PODN: variants seen among roughly 807,000 people sequenced by gnomAD.
PODN encodes podocan.
Under a neutral mutation model 52.7 loss-of-function variants are expected in PODN, and 40 were observed. That is an observed-to-expected ratio of 0.76 (90% CI 0.59 to 0.99). The LOEUF (loss-of-function observed/expected upper bound fraction) is 0.99. Among genes scored for constraint, PODN ranks in the 50% least tolerant of loss-of-function variants. PODN has a pLI of 0.00. For missense variants in PODN, 720 were observed against 815.1 expected (o/e 0.88, Z 1.42); for synonymous variants, 396 against 377.9 (o/e 1.05, Z -0.56).
intron 7 of PODN, 44 bp downstream of exon 7, chr1:53,077,844 C>CGGG (rs1557655346): frequency 6.5e-7 from 1 of 1,547,848 alleles, no homozygotes; most frequent in African/African-American, 1.4e-5. Context: ...CCACGGGGCC[C>CGGG]GGGAAGCTCC....
At chr1:53,065,169 A>G (rs769429908) in intron 1 of PODN, among the ~76,000 whole-genome samples, 20 of 152,354 alleles carry the variant, frequency 1.3e-4, no homozygotes, top group Non-Finnish European at 2.1e-4. Flanking sequence ...CCTGGGCAAC[A>G]TAGTGAGACC....
chr1:53,069,132 C>T (rs1363894560), intron 1 of PODN, among the ~76,000 whole-genome samples: 1 of 152,230 alleles, frequency 6.6e-6, no homozygotes, highest in East Asian at 1.9e-4. Context: ...TAATGCTAAG[C>T]TCTGGGTGAA....
chr1:53,081,290 G>T (rs1185408872), intron 9 of PODN, among the ~76,000 whole-genome samples: 2 of 152,184 alleles, frequency 1.3e-5, no homozygotes, highest in Non-Finnish European at 2.9e-5. Context: ...TGATTCGGGG[G>T]ATGCAGCTCC....
intron 5 of PODN, 39 bp from the exon 6 acceptor site, chr1:53,077,151 G>A (rs374967436): frequency 4.4e-6 from 7 of 1,605,178 alleles, no homozygotes; most frequent in Non-Finnish European, 6.0e-6. Flanking sequence ...CAGGGCCTGG[G>A]GAGCCCAGGT....
At chr1:53,062,395 G>A (rs935802652) in intron 1 of PODN, 87 bp downstream of exon 1, 30 of 1,003,050 alleles carry the variant, frequency 3.0e-5, no homozygotes, top group Non-Finnish European at 3.9e-5. Context: ...TCTCCGGATG[G>A]CTCCAGCAGC....
chr1:53,083,389 G>A (rs1214985855), intron 10 of PODN, among the ~76,000 whole-genome samples: 1 of 152,182 alleles, frequency 6.6e-6, no homozygotes, highest in Admixed American at 6.5e-5. Flanking sequence ...GTGCTGGTGG[G>A]AAGAGGCTGG....
intron 10 of PODN, among the ~76,000 whole-genome samples, chr1:53,082,968 C>T (rs534483375): frequency 2.0e-5 from 3 of 152,320 alleles, no homozygotes; most frequent in East Asian, 3.9e-4. Context: ...ACACATGATG[C>T]GTGCATGCAC....
rs75640761 is a variant in PODN, at chr1:53,073,560, C to A, written c.407-1046C>A. The A allele has an allele frequency of 7.9e-5, 12 of 152,242 alleles. 1 individual carries two copies. In the South Asian group the frequency reaches 2.5e-3, roughly 32 times the overall value. 9.4% of individuals were successfully genotyped at this position (152,242 alleles called of 1,614,324 possible). A position where few individuals can be genotyped will look rare whatever the true frequency, so the allele number is the denominator to read the frequency against. On this transcript the variant is annotated intron_variant, in intron 3 of 10. Coordinates refer to ENST00000312553, the MANE Select transcript of PODN (RefSeq NM_153703.5). ...AACCTTGTCACAGGATCTTCGGTTC[C>A]GAGGGCCTTTAGAACCCAAGAGTTG...
intron 1 of PODN, 50 bp downstream of exon 1, chr1:53,062,358 C>G (rs78036662): frequency 2.5e-6 from 3 of 1,205,394 alleles, no homozygotes; most frequent in Non-Finnish European, 2.1e-6. Context: ...GGGCTGAGCC[C>G]GGGCAGCGCA....
intron 6 of PODN, 47 bp from the exon 7 acceptor site, chr1:53,077,637 GC>G: frequency 6.5e-7 from 1 of 1,537,718 alleles, no homozygotes. Flanking sequence ...CCCTGACCTT[GC>G]CCTCGGCCCT....
chr1:53,069,882 C>CCTG lies in PODN; in HGVS notation c.38_40dup (p.Leu13dup), dbSNP rs748909092. 4 of 1,566,926 alleles carry CCTG rather than the reference C, an allele frequency of 2.6e-6. No individual in the cohort carries two copies. The South Asian group carries it at 3.5e-5, about 14-fold the overall frequency. Reference sequence around the variant, plus strand: ...TGGCCCAGAGCCGGGTGCTGCTGCTCCTGCTGCTGCTGCCGCCACAGCTGC... The same window carrying CCTG: ...TGGCCCAGAGCCGGGTGCTGCTGCTCCTGCTGCTGCTGCTGCCGCCACAGCTGC... On this transcript the variant is annotated inframe_insertion, in exon 2 of 11. Transcript: ENST00000312553.
At chr1:53,075,451 C>A (rs189452981) in intron 4 of PODN, among the ~76,000 whole-genome samples, 1 of 152,348 alleles carries the variant, frequency 6.6e-6, no homozygotes, top group East Asian at 1.9e-4. Context: ...CAGCTCTTAC[C>A]GCACTGGCCC....
At chr1:53,075,000 G>A (rs1031690580) in intron 4 of PODN, among the ~76,000 whole-genome samples, 1 of 152,142 alleles carries the variant, frequency 6.6e-6, no homozygotes, top group African/African-American at 2.4e-5. Context: ...TAGGATTCTA[G>A]GCAGGGGCCC....
chr1:53,064,219 C>T (rs1193189192), intron 1 of PODN, among the ~76,000 whole-genome samples: 2 of 152,258 alleles, frequency 1.3e-5, no homozygotes, highest in Non-Finnish European at 2.9e-5. Context: ...CCCAGCACCC[C>T]CACTCCATGC....
rs1277543362 is a variant in PODN at position 53,070,178 on chromosome 1, C to T, written c.312+11C>T. 7 of 1,603,256 alleles carry T rather than the reference C, an allele frequency of 4.4e-6. No individual in the cohort carries two copies. Among genetic ancestry groups the T allele is most frequent in the Admixed American group, 3.4e-5 (2 of 59,630 alleles). Reference sequence around the variant, plus strand: ...CACCTATCTCTGCAGGTGAGGTCGGCGTTGCACCTGTGGTCACGGGGGCTG... The same window carrying T: ...CACCTATCTCTGCAGGTGAGGTCGGTGTTGCACCTGTGGTCACGGGGGCTG... On this transcript the variant is annotated intron_variant, in intron 2 of 10. Coordinates refer to ENST00000312553, the MANE Select transcript of PODN (RefSeq NM_153703.5).
Position 53,078,908 on chromosome 1 carries a change from G to T in PODN, c.1398G>T (p.Leu466Phe). Residue 466 changes from leucine (L) to phenylalanine (F), a missense_variant, in exon 8 of 11, where the codon TTG (leucine) becomes TTT (phenylalanine). Leu to Phe is a conservative substitution (Grantham distance 22). Transcript: ENST00000312553. ...LKVKRNELAA[L>F]ARGALVGMAQ... ...TCAAGCGCAATGAGCTGGCTGCCTT[G>T]GCACGAGGGGCGCTGGTGGGCATGG... The T allele has an allele frequency of 6.2e-7, 1 of 1,605,186 alleles. No homozygotes were observed. Among genetic ancestry groups the T allele is most frequent in the Non-Finnish European group, 8.5e-7 (1 of 1,176,178 alleles).
intron 3 of PODN, among the ~76,000 whole-genome samples, chr1:53,072,565 G>C (rs1202943262): frequency 6.6e-6 from 1 of 151,774 alleles, no homozygotes; most frequent in Non-Finnish European, 1.5e-5. Flanking sequence ...AGTACGTCAG[G>C]GTTGGCCTGG....
At chr1:53,074,797 T>G in intron 4 of PODN, 127 bp downstream of exon 4, 44 of 292,030 alleles carry the variant, frequency 1.5e-4, no homozygotes, top group South Asian at 4.8e-4. Context: ...TGCTCAGACA[T>G]GGCCCTGGGT....
In PODN at chr1:53,083,207, G is replaced by A. The variant is rs1644319250; in HGVS notation, c.*27+1019G>A. ...TGAGAAGTTTGGCTGTGAGAGATGA[G>A]AGAGGGCAGAGGTGGGAATGGAGTG... is the stretch of plus-strand genomic sequence containing the variant. On this transcript the variant is annotated intron_variant, in intron 10 of 10. Transcript: ENST00000312553. Among the ~76,000 whole-genome samples the A allele has an allele frequency of 2.0e-5, 3 of 152,344 alleles. No individual in the cohort carries two copies. The South Asian group carries it at 6.2e-4, about 32-fold the overall frequency.
Sources: allele counts gnomAD v4.1 joint callset (sites outside exome capture counted in the v4.1 genomes callset), GRCh38; gene constraint gnomAD v4.1.1; transcripts MANE v1.5; gene names NCBI Gene and HGNC (gene_info 2026-07-23, HGNC 2026-07-21).